The following DDB1 variants were observed in gnomAD, a reference collection of about 807,000 sequenced individuals.
DDB1 encodes the protein damage specific DNA binding protein 1, also known as DNA damage-binding protein 1.
DDB1 carries 18 observed loss-of-function variants against 133.1 expected under a neutral mutation model. That is an observed-to-expected ratio of 0.14 (90% CI 0.09 to 0.20). The LOEUF is 0.20. DDB1 is among the 10% of genes least tolerant of loss of function. DDB1 has a pLI of 1.00. For missense variants in DDB1, 828 were observed against 1,459.2 expected (o/e 0.57, Z 7.05); for synonymous variants, 580 against 550.5 (o/e 1.05, Z -0.75).
At chr11:61,302,864 T>C in intron 23 of DDB1, 113 bp from the exon 24 acceptor site, 1 of 1,418,850 alleles carries the variant, frequency 7.0e-7, no homozygotes, top group Non-Finnish European at 9.7e-7. Flanking sequence ...GCTGACATAC[T>C]CCACAGTAGG....
At chr11:61,326,561 G>C (rs530083923) in intron 5 of DDB1, among the ~76,000 whole-genome samples, 14 of 152,190 alleles carry the variant, frequency 9.2e-5, no homozygotes, top group African/African-American at 2.6e-4. Flanking sequence ...TAAAAGACAA[G>C]TTATACTTTT....
chr11:61,300,259 G>A (rs1855771247), intron 26 of DDB1, 40 bp from the exon 27 acceptor site: 1 of 1,598,416 alleles, frequency 6.3e-7, no homozygotes, highest in African/African-American at 1.3e-5. Flanking sequence ...GGACCAAGAG[G>A]GTGCTCTCCC....
At position 61,314,155 on chromosome 11, in the gene DDB1, T is replaced by C. The variant is rs767042981; in HGVS notation, c.1645A>G (p.Ser549Gly). 11 of 1,613,388 alleles carry C rather than the reference T, an allele frequency of 6.8e-6. No individual in the cohort carries two copies. Among genetic ancestry groups the C allele is most frequent in the African/African-American group, 4.0e-5 (3 of 74,912 alleles). ...GCACAAAGAGGGGACAGTCCATTGCTGTCTCCTAATGGGGTGATGTCCAAG... is the reference window on the plus strand; with the variant it reads ...GCACAAAGAGGGGACAGTCCATTGCCGTCTCCTAATGGGGTGATGTCCAAG... ...ACLDITPLGD[S>G]NGLSPLCAIG... Residue 549 changes from serine to glycine, a missense_variant, in exon 14 of 27, where the codon AGC becomes GGC. Around this residue, in one of 7 missense-constraint regions of DDB1, gnomAD observed 396 missense variants for 554.1 expected, o/e 0.71. Transcript: ENST00000301764.
In DDB1 at chr11:61,299,796, T is replaced by C. The variant is rs28720364; in HGVS notation, c.*340A>G. ...TGAGATACACATACACACACACACA[T>C]ACACACACACACACGCACAGCTTCC... On this transcript the variant is annotated 3_prime_UTR_variant, in exon 27 of 27. Transcript: ENST00000301764. The C allele has an allele frequency of 2.1e-4, 76 of 368,980 alleles. No individual in the cohort carries two copies. Among genetic ancestry groups the C allele is most frequent in the Middle Eastern group, 8.4e-4 (1 of 1,188 alleles). 22.9% of individuals were successfully genotyped at this position (368,980 alleles called of 1,614,324 possible).
rs141930885 is a variant in DDB1 at position 61,324,185 on chromosome 11, C to A, written c.763-48G>T. The A allele has an allele frequency of 2.3e-4, 373 of 1,610,374 alleles. 1 individual carries two copies. In the East Asian group the frequency reaches 8.3e-3, roughly 36 times the overall value. On this transcript the variant is annotated intron_variant, in intron 6 of 26. Transcript: ENST00000301764. ...CATTAGAGATTCAGCATCTTCTACA[C>A]CAGAAAACAAACCCTACTGGACCAC... is the stretch of plus-strand genomic sequence containing the variant.
intron 7 of DDB1, chr11:61,323,715 G>A (rs1856223141): frequency 4.9e-6 from 2 of 411,650 alleles, no homozygotes; most frequent in Non-Finnish European, 9.0e-6. Context: ...AAACCAGCTA[G>A]ATTGATCTTT....
chr11:61,318,585 T>C (rs1363714387), intron 10 of DDB1, among the ~76,000 whole-genome samples: 3 of 152,190 alleles, frequency 2.0e-5, no homozygotes, highest in Non-Finnish European at 2.9e-5. Flanking sequence ...TCTATAAATA[T>C]GTTATAAATT....
In DDB1 at chr11:61,321,580, C is replaced by T. The variant is rs776996525; in HGVS notation, c.1225+15G>A. Reference sequence around the variant, plus strand: ...TCATGTAAGATCTACATCCTATGCCCACCAAAAAAGCTACCTTTGATGCCT... The same window carrying T: ...TCATGTAAGATCTACATCCTATGCCTACCAAAAAAGCTACCTTTGATGCCT... On this transcript the variant is annotated intron_variant, in intron 10 of 26. Coordinates refer to ENST00000301764, the MANE Select transcript of DDB1 (RefSeq NM_001923.5). 6.2e-7 allele frequency: 1 copy of T among 1,613,272 alleles called. No homozygotes were observed. Among genetic ancestry groups the T allele is most frequent in the Non-Finnish European group, 8.5e-7 (1 of 1,179,310 alleles).
intron 1 of DDB1, 52 bp downstream of exon 1, chr11:61,332,856 G>A: frequency 1.4e-6 from 2 of 1,382,770 alleles, no homozygotes; most frequent in Non-Finnish European, 1.9e-6. Context: ...CCTAGGCCGC[G>A]GCTCCCCCCA....
chr11:61,330,724 C>T (rs769648938), intron 2 of DDB1, among the ~76,000 whole-genome samples: 1 of 151,846 alleles, frequency 6.6e-6, no homozygotes, highest in Non-Finnish European at 1.5e-5. Context: ...GGCGCCATCT[C>T]CACTCACTGC....
chr11:61,325,912 T>C, intron 5 of DDB1: 1 of 639,988 alleles, frequency 1.6e-6, no homozygotes, highest in South Asian at 1.8e-5. Context: ...CTGGTAGTAT[T>C]TTTACTGCCA....
chr11:61,316,416 G>C, intron 11 of DDB1, 23 bp from the exon 12 acceptor site: 1 of 1,613,488 alleles, frequency 6.2e-7, no homozygotes, highest in Non-Finnish European at 8.5e-7. Flanking sequence ...GGAGGGCCTG[G>C]GTCAGCCTGG....
At chr11:61,328,525 AGCT>A (rs1856307179) in intron 4 of DDB1, among the ~76,000 whole-genome samples, 1 of 152,236 alleles carries the variant, frequency 6.6e-6, no homozygotes, top group African/African-American at 2.4e-5. Flanking sequence ...ACCAGAGAAC[AGCT>A]GCCCAGGATC....
chr11:61,311,899 C>A lies in DDB1; in HGVS notation c.2166-4G>T. The A allele has an allele frequency of 6.2e-7, 1 of 1,614,164 alleles. No homozygotes were observed. Among genetic ancestry groups the A allele is most frequent in the Non-Finnish European group, 8.5e-7 (1 of 1,180,014 alleles). ...CACTTCCTGGTAGCAGATCTTCCTGCAGAACAAGTACAGAACAACAGTGTC... is the reference window on the plus strand; with the variant it reads ...CACTTCCTGGTAGCAGATCTTCCTGAAGAACAAGTACAGAACAACAGTGTC... On this transcript the variant is annotated splice_region_variant and splice_polypyrimidine_tract_variant and intron_variant, in intron 17 of 26. Transcript: ENST00000301764.
chr11:61,325,973 T>C (rs963463104), intron 5 of DDB1: 2 of 531,158 alleles, frequency 3.8e-6, no homozygotes, highest in African/African-American at 3.8e-5. Context: ...CTCCATGTTC[T>C]TCCCCATGCA....
In DDB1 at chr11:61,304,048, T is replaced by C. The variant is rs200570948; in HGVS notation, c.2662-13A>G. On this transcript the variant is annotated splice_polypyrimidine_tract_variant and intron_variant, in intron 21 of 26. Transcript: ENST00000301764. ...CATAGAGCCGCACCTGGGAAGGGCA[T>C]TGTCTCTCTCAGCCAAAGGGGCCAG... 3.7e-6 allele frequency: 6 copies of C among 1,613,366 alleles called. No individual in the cohort carries two copies. Among genetic ancestry groups the C allele is most frequent in the Admixed American group, 1.7e-5 (1 of 59,990 alleles).
In DDB1 at chr11:61,301,040, A is replaced by G. The variant is rs1338396725; in HGVS notation, c.3216-108T>C. The G allele has an allele frequency of 5.4e-6, 8 of 1,480,140 alleles. No homozygotes were observed. The Admixed American group carries it at 6.5e-5, about 12-fold the overall frequency. 91.7% of individuals were successfully genotyped at this position (1,480,140 alleles called of 1,614,324 possible). The stretch of plus-strand genomic sequence containing the variant: ...AAAGCAATCATCAGGATTAGAAAGG[A>G]AATGACACTTCCTTTCGCCTTGCTT... On this transcript the variant is annotated intron_variant, in intron 25 of 26. Coordinates refer to ENST00000301764, the MANE Select transcript of DDB1 (RefSeq NM_001923.5).
intron 25 of DDB1, chr11:61,301,936 G>C (rs1207312456): frequency 4.9e-6 from 1 of 202,046 alleles, no homozygotes; most frequent in East Asian, 1.1e-4. Flanking sequence ...GAAAGGATGT[G>C]CTCCTGTGTT....
rs1376240564 is a variant in DDB1 at position 61,323,900 on chromosome 11, T to C, written c.921+79A>G. 47 of 1,489,476 alleles carry C rather than the reference T, an allele frequency of 3.2e-5. No individual in the cohort carries two copies. The Admixed American group carries it at 7.8e-4, about 25-fold the overall frequency. 92.3% of individuals were successfully genotyped at this position (1,489,476 alleles called of 1,614,324 possible). A position where few individuals can be genotyped will look rare whatever the true frequency, so the allele number is the denominator to read the frequency against. ...GTGTTAAGTAACATAATTCCCAGAG[T>C]TGAGGTGTGGGACCACACATTTGGT... On this transcript the variant is annotated intron_variant, in intron 7 of 26. Coordinates refer to ENST00000301764, the MANE Select transcript of DDB1 (RefSeq NM_001923.5).
Sources: gnomAD v4.1 joint callset for allele counts (sites outside exome capture counted in the v4.1 genomes callset) on GRCh38, gnomAD v4.1.1 for gene constraint, gnomAD v4.1.1 regional missense constraint, MANE v1.5 for transcripts, NCBI Gene and HGNC (gene_info 2026-07-23, HGNC 2026-07-21) for gene names.